The following RSRP1 variants were observed in gnomAD, a reference collection of about 807,000 sequenced individuals.
RSRP1 encodes arginine and serine rich protein 1.
In RSRP1, 37 loss-of-function variants were observed where a neutral mutation model predicts 33.0. That is an observed-to-expected ratio of 1.12 (90% CI 0.86 to 1.48). The LOEUF (loss-of-function observed/expected upper bound fraction) is 1.48, where lower values mean the gene tolerates loss of function less well. Among genes scored for constraint, RSRP1 ranks in the 40% most tolerant of loss-of-function variants. The pLI, the probability that RSRP1 is intolerant of heterozygous loss-of-function variation, is 0.00. For missense variants in RSRP1, 402 were observed against 385.3 expected, an observed-to-expected ratio of 1.04 and a Z score of -0.36; for synonymous variants, 167 against 158.7, an observed-to-expected ratio of 1.05 and a Z score of -0.40.
intron 1 of RSRP1, among the ~76,000 whole-genome samples, chr1:25,296,662 T>C (rs375396346): frequency 3.8e-5 from 5 of 130,924 alleles, no homozygotes; most frequent in African/African-American, 1.3e-4. Flanking sequence ...ACAGGGGTGG[T>C]TTCCCCCATG....
chr1:25,291,095 G>A (rs112946367), intron 1 of RSRP1, among the ~76,000 whole-genome samples: 2,324 of 130,142 alleles, frequency 0.018, 255 homozygotes, highest in African/African-American at 0.057. Flanking sequence ...GTTAGGGACC[G>A]AGCTGGGCAA....
At chr1:25,324,741 C>T (rs1236026902) in intron 1 of RSRP1, among the ~76,000 whole-genome samples, 2 of 149,544 alleles carry the variant, frequency 1.3e-5, no homozygotes, top group East Asian at 3.9e-4. Flanking sequence ...CACAACAGCC[C>T]TGCATAAAAG....
In RSRP1 at chr1:25,320,082, G is replaced by C. The variant is rs1300427013; in HGVS notation, c.-67+17896C>G. Reference sequence around the variant, plus strand: ...CCCGGCTAATTTTGTATTTTTAGTAGAGACAGGGTTTCTCCATGTTGGTCA... The same window carrying C: ...CCCGGCTAATTTTGTATTTTTAGTACAGACAGGGTTTCTCCATGTTGGTCA... On this transcript the variant is annotated intron_variant, in intron 1 of 1. Coordinates refer to the RSRP1 transcript ENST00000561867. 6.1e-5 allele frequency among the ~76,000 whole-genome samples: 8 copies of C among 131,032 alleles called. 1 individual carries two copies. Among genetic ancestry groups the C allele is most frequent in the East Asian group, 3.9e-4 (2 of 5,098 alleles). 86.0% of individuals were successfully genotyped at this position (131,032 alleles called of 152,430 possible).
At position 25,334,812 on chromosome 1, in the gene RSRP1, C is replaced by T. The variant is rs1645058929; in HGVS notation, c.-67+3166G>A. ...AAGCTCTACCTTGCCTCCTGTCAGT[C>T]ATGGTTGGGAGTGGCTGGGATGCAG... On this transcript the variant is annotated intron_variant, in intron 1 of 1. Coordinates refer to the RSRP1 transcript ENST00000561867. Among the ~76,000 whole-genome samples, 2 of 132,922 alleles carry T rather than the reference C, an allele frequency of 1.5e-5. 1 individual carries two copies. Among genetic ancestry groups the T allele is most frequent in the African/African-American group, 5.3e-5 (2 of 37,914 alleles). 87.2% of individuals were successfully genotyped at this position (132,922 alleles called of 152,430 possible).
chr1:25,243,488 C>G, intron 4 of RSRP1, 62 bp downstream of exon 4: 7 of 1,581,746 alleles, frequency 4.4e-6, no homozygotes, highest in South Asian at 1.1e-5. Context: ...GATAAAAACA[C>G]AAAGATGCAA....
intron 1 of RSRP1, among the ~76,000 whole-genome samples, chr1:25,286,586 A>G (rs1642018603): frequency 7.5e-6 from 1 of 133,700 alleles, no homozygotes; most frequent in South Asian, 2.2e-4. Context: ...GGAGATCGAG[A>G]CCATCCTGGC....
At chr1:25,256,415 C>T (rs1639950911) in intron 1 of RSRP1, among the ~76,000 whole-genome samples, 1 of 152,110 alleles carries the variant, frequency 6.6e-6, no homozygotes, top group South Asian at 2.1e-4. Flanking sequence ...TCAGCTAAAG[C>T]ACTGCGATTA....
intron 1 of RSRP1, among the ~76,000 whole-genome samples, chr1:25,299,789 G>A (rs1296003114): frequency 1.5e-5 from 2 of 132,420 alleles, no homozygotes; most frequent in Non-Finnish European, 3.6e-5. Context: ...TCACTCTGTC[G>A]CTGAAGCTGG....
chr1:25,315,179 C>T (rs1164641896), intron 1 of RSRP1, among the ~76,000 whole-genome samples: 3 of 130,094 alleles, frequency 2.3e-5, no homozygotes, highest in African/African-American at 7.9e-5. Context: ...TTTGCAAGGT[C>T]ATGCATATGT....
rs1408096332 is a variant in RSRP1, at chr1:25,271,697, G to A, written c.-66-24668C>T. Reference sequence around the variant, plus strand: ...AGAACTAAGTCCCAAGCCCCCTAAAGCTCATGCCAGGGGACTGGACTGTCC... The same window carrying A: ...AGAACTAAGTCCCAAGCCCCCTAAAACTCATGCCAGGGGACTGGACTGTCC... On this transcript the variant is annotated intron_variant, in intron 1 of 1. Transcript: ENST00000561867. 5.3e-5 allele frequency among the ~76,000 whole-genome samples: 7 copies of A among 132,160 alleles called. 1 individual carries two copies. The highest frequency in any genetic ancestry group is 1.8e-4 in the African/African-American group (7 of 38,730). 86.7% of individuals were successfully genotyped at this position (132,160 alleles called of 152,430 possible). A position where few individuals can be genotyped will look rare whatever the true frequency, so the allele number is the denominator to read the frequency against.
chr1:25,256,267 G>A (rs1031489662), intron 1 of RSRP1, among the ~76,000 whole-genome samples: 12 of 149,718 alleles, frequency 8.0e-5, no homozygotes, highest in African/African-American at 2.7e-4. Flanking sequence ...CGATCCTCCC[G>A]CCTCAGCCTA....
intron 1 of RSRP1, among the ~76,000 whole-genome samples, chr1:25,259,408 A>G (rs1222504220): frequency 6.6e-6 from 1 of 151,076 alleles, no homozygotes; most frequent in African/African-American, 2.4e-5. Flanking sequence ...TGCTTTTTTA[A>G]CAGTTAACAG....
At chr1:25,305,167 G>T (rs1157892350) in intron 1 of RSRP1, among the ~76,000 whole-genome samples, 1 of 130,520 alleles carries the variant, frequency 7.7e-6, no homozygotes, top group East Asian at 2.0e-4. Flanking sequence ...TGACAGAGAA[G>T]TAGTATTAGC....
In RSRP1 at chr1:25,312,793, A is replaced by G. The variant is rs1353708323; in HGVS notation, c.-67+25185T>C. ...AACTTAGCTGGATATGGTGGCACAC[A>G]TCTGTAGTCCTAGCTACTCAGGAGG... On this transcript the variant is annotated intron_variant, in intron 1 of 1. Coordinates refer to the RSRP1 transcript ENST00000561867. 1.1e-4 allele frequency among the ~76,000 whole-genome samples: 13 copies of G among 120,362 alleles called. 2 individuals are homozygous for G. Among genetic ancestry groups the G allele is most frequent in the East Asian group, 1.0e-3 (5 of 5,008 alleles). 79.0% of individuals were successfully genotyped at this position (120,362 alleles called of 152,430 possible). A position where few individuals can be genotyped will look rare whatever the true frequency, so the allele number is the denominator to read the frequency against.
chr1:25,285,711 A>T (rs1179801621), intron 1 of RSRP1, among the ~76,000 whole-genome samples: 1 of 135,320 alleles, frequency 7.4e-6, no homozygotes, highest in African/African-American at 2.6e-5. Context: ...ACATCAAGCT[A>T]TACACGTTTT....
At position 25,304,679 on chromosome 1, in the gene RSRP1, A is replaced by G. The variant is rs1354861689; in HGVS notation, c.-67+33299T>C. ...ATGAAATCCTGTCATTTGCAGCAAC[A>G]TGGATGGAACTGGAGGTAATTAAAA... On this transcript the variant is annotated intron_variant, in intron 1 of 1. Transcript: ENST00000561867. The G allele has an allele frequency of 2.3e-5, 3 of 132,010 alleles. 1 individual carries two copies. Among genetic ancestry groups the G allele is most frequent in the South Asian group, 4.6e-4 (2 of 4,340 alleles). 8.2% of individuals were successfully genotyped at this position (132,010 alleles called of 1,614,324 possible). A position where few individuals can be genotyped will look rare whatever the true frequency, so the allele number is the denominator to read the frequency against.
intron 1 of RSRP1, among the ~76,000 whole-genome samples, chr1:25,287,672 A>C (rs1312435156): frequency 7.4e-6 from 1 of 135,622 alleles, no homozygotes; most frequent in East Asian, 1.9e-4. Flanking sequence ...GCAAATGGCT[A>C]TTGGAGCAAA....
intron 1 of RSRP1, among the ~76,000 whole-genome samples, chr1:25,260,826 C>A (rs1640111903): frequency 6.7e-6 from 1 of 149,218 alleles, no homozygotes; most frequent in African/African-American, 2.5e-5. Context: ...GAGACAGAGT[C>A]TCGCTCTATC....
chr1:25,276,532 T>TAAAAAAAAAA (rs557746335), intron 1 of RSRP1, among the ~76,000 whole-genome samples: 2 of 64,784 alleles, frequency 3.1e-5, no homozygotes, highest in South Asian at 4.4e-4. Context: ...CCCCCATCTC[T>TAAAAAAAAAA]AAAAAAAAAA....
Sources: gnomAD v4.1 joint callset for allele counts (sites outside exome capture counted in the v4.1 genomes callset) on GRCh38, gnomAD v4.1.1 for gene constraint, MANE v1.5 for transcripts, NCBI Gene and HGNC (gene_info 2026-07-23, HGNC 2026-07-21) for gene names.